The following TBC1D20 variants were observed in gnomAD, a reference collection of about 807,000 sequenced individuals.
The protein encoded by TBC1D20 is chromosome 20 open reading frame 140.
In TBC1D20, 12 loss-of-function variants were observed where a neutral mutation model predicts 41.6. The observed-to-expected ratio is 0.29, with a 90% CI of 0.18 to 0.47. The LOEUF is 0.47. TBC1D20 is among the 20% of genes least tolerant of loss of function. The pLI, the probability that TBC1D20 is intolerant of heterozygous loss-of-function variation, is 1.00. For missense variants in TBC1D20, 421 were observed against 517.4 expected (o/e 0.81, Z 1.81); for synonymous variants, 205 against 204.8 (o/e 1.00, Z -0.01).
intron 2 of TBC1D20, among the ~76,000 whole-genome samples, chr20:447,055 T>C (rs1227837193): frequency 6.7e-6 from 1 of 149,032 alleles, no homozygotes; most frequent in Non-Finnish European, 1.5e-5. Context: ...GTTCAAGCAA[T>C]TCTCTGCTGC....
Position 441,979 on chromosome 20 carries a change from C to A in TBC1D20, c.402G>T (p.Leu134Phe). ...EELIDIILLI[L>F]ERNPQLHYYQ... ...AGTAGTGCAGCTGAGGGTTGCGCTCCAAGATGAGGAGGATGATGTCAATCA... is the reference window on the plus strand; with the variant it reads ...AGTAGTGCAGCTGAGGGTTGCGCTCAAAGATGAGGAGGATGATGTCAATCA... The change falls in exon 4 of 8, where the codon TTG becomes TTT. Residue 134 changes from leucine (L) to phenylalanine (F), a missense_variant. By Grantham distance (22) the Leu-to-Phe change is conservative (BLOSUM62 0). This residue lies in a region of TBC1D20 where 110 missense variants were observed against 183.5 expected (regional missense o/e 0.60). Coordinates refer to ENST00000354200, the MANE Select transcript of TBC1D20 (RefSeq NM_144628.4). 1 of 1,614,032 alleles carries A rather than the reference C, an allele frequency of 6.2e-7. No homozygotes were observed.
chr20:439,507 A>C lies in TBC1D20; in HGVS notation c.769-212T>G, dbSNP rs1342141564. Among the ~76,000 whole-genome samples the C allele has an allele frequency of 6.6e-6, 1 of 152,190 alleles. No individual in the cohort carries two copies. The highest frequency in any genetic ancestry group is 2.4e-5 in the African/African-American group (1 of 41,448). On this transcript the variant is annotated intron_variant, in intron 6 of 7. Coordinates refer to ENST00000354200, the MANE Select transcript of TBC1D20 (RefSeq NM_144628.4). This position sits in a 1 kb window ranked among gnomAD's most constrained non-coding sequence, Gnocchi z 4.6. ...CTGGCCCTTCCTGCAAACTTCCACC[A>C]CATGACATGAAAGGCTGACCAGTTA... is the stretch of plus-strand genomic sequence containing the variant.
In TBC1D20 at chr20:444,581, A is replaced by T. The variant is rs6116006; in HGVS notation, c.337+469T>A. Among the ~76,000 whole-genome samples, 523 of 151,832 alleles carry T rather than the reference A, an allele frequency of 3.4e-3. 1 individual carries two copies. The highest frequency in any genetic ancestry group is 0.012 in the African/African-American group (490 of 41,388). On this transcript the variant is annotated intron_variant, in intron 3 of 7. Transcript: ENST00000354200. ...TTGTTTGTTTTGTTTTTATTTATTT[A>T]TTTTTTTATCTATTGCTGCTTAATT...
intron 3 of TBC1D20, among the ~76,000 whole-genome samples, chr20:442,926 C>T (rs749553165): frequency 2.0e-5 from 3 of 152,008 alleles, no homozygotes; most frequent in East Asian, 1.9e-4. Context: ...TGAAAAACCC[C>T]GTCTCTAATA....
chr20:436,113 C>G lies in TBC1D20; in HGVS notation c.*2473G>C, dbSNP rs2017113527. The G allele has an allele frequency of 1.3e-5, 2 of 152,250 alleles. No homozygotes were observed. The highest frequency in any genetic ancestry group is 1.3e-4 in the Admixed American group (2 of 15,272). The allele number at this position is 152,250 out of a possible 1,614,324, so 9.4% of individuals were successfully genotyped here. On this transcript the variant is annotated 3_prime_UTR_variant, in exon 8 of 8. Transcript: ENST00000354200. ...TGGGTCATAATTCTTGCAGATGAAA[C>G]AGAAACAGCAAGACTGTAGGTACTG...
At chr20:452,049 C>T (rs1288295531) in intron 1 of TBC1D20, among the ~76,000 whole-genome samples, 2 of 152,158 alleles carry the variant, frequency 1.3e-5, no homozygotes, top group Non-Finnish European at 2.9e-5. Context: ...TGGTTCACAC[C>T]TGTAATCCCA....
chr20:462,176 G>A (rs557332861), intron 1 of TBC1D20, among the ~76,000 whole-genome samples, 160 bp downstream of exon 1: 1 of 151,278 alleles, frequency 6.6e-6, no homozygotes, highest in Non-Finnish European at 1.5e-5. Flanking sequence ...CTCCTCATCA[G>A]ACGTGCCCTG....
Position 458,739 on chromosome 20 carries a change from TGG to T in TBC1D20, c.70+3595_70+3596del, listed in dbSNP as rs1266492811. ...TGATTTAGTTTAGTTATTGTTCCTC[TGG>T]AAAAAACTGGCTTGCAGTAAATGAC... On this transcript the variant is annotated intron_variant, in intron 1 of 7. Coordinates refer to ENST00000354200, the MANE Select transcript of TBC1D20 (RefSeq NM_144628.4). 5.3e-5 allele frequency among the ~76,000 whole-genome samples: 8 copies of T among 152,214 alleles called. No individual in the cohort carries two copies. The East Asian group carries it at 1.5e-3, about 29-fold the overall frequency.
chr20:446,621 G>A (rs1389244131), intron 2 of TBC1D20, among the ~76,000 whole-genome samples: 17 of 152,098 alleles, frequency 1.1e-4, no homozygotes, highest in Non-Finnish European at 2.4e-4. Flanking sequence ...GATTACAGGC[G>A]TGAGCCACTG....
At chr20:441,544 G>T in intron 5 of TBC1D20, 44 bp downstream of exon 5, 2 of 1,504,556 alleles carry the variant, frequency 1.3e-6, no homozygotes, top group South Asian at 1.1e-5. Flanking sequence ...GGGGGGGTGT[G>T]GGCGTGTGTA....
Position 437,647 on chromosome 20 carries a change from A to G in TBC1D20, c.*939T>C, listed in dbSNP as rs1240097171. ...AGGAAAACAGGAAGAAAAACCGGTCAGAAAGTGGCACTTTGGAAGTGGAAA... is the reference window on the plus strand; with the variant it reads ...AGGAAAACAGGAAGAAAAACCGGTCGGAAAGTGGCACTTTGGAAGTGGAAA... On this transcript the variant is annotated 3_prime_UTR_variant, in exon 8 of 8. Transcript: ENST00000354200. 6.5e-6 allele frequency: 1 copy of G among 153,334 alleles called. No homozygotes were observed. The highest frequency in any genetic ancestry group is 6.5e-5 in the Admixed American group (1 of 15,276). 9.5% of individuals were successfully genotyped at this position (153,334 alleles called of 1,614,324 possible). A position where few individuals can be genotyped will look rare whatever the true frequency, so the allele number is the denominator to read the frequency against.
intron 1 of TBC1D20, among the ~76,000 whole-genome samples, chr20:454,674 T>TATTA (rs1393532175): frequency 8.7e-5 from 12 of 137,864 alleles, no homozygotes; most frequent in African/African-American, 2.7e-4. Flanking sequence ...TTATTATTAT[T>TATTA]TTATTTTTAT....
In TBC1D20 at chr20:438,200, G is replaced by C. The variant is rs2017154789; in HGVS notation, c.*386C>G. 2 of 192,380 alleles carry C rather than the reference G, an allele frequency of 1.0e-5. No individual in the cohort carries two copies. 11.9% of individuals were successfully genotyped at this position (192,380 alleles called of 1,614,324 possible). On this transcript the variant is annotated 3_prime_UTR_variant, in exon 8 of 8. Coordinates refer to ENST00000354200, the MANE Select transcript of TBC1D20 (RefSeq NM_144628.4). ...ATGCAGGCAAGCAGGAGCAGTAAGAGGGCATCCCATGTTCCAGTTCACCTT... is the reference window on the plus strand; with the variant it reads ...ATGCAGGCAAGCAGGAGCAGTAAGACGGCATCCCATGTTCCAGTTCACCTT...
intron 1 of TBC1D20, among the ~76,000 whole-genome samples, chr20:456,386 G>C (rs925130498): frequency 4.6e-5 from 7 of 152,108 alleles, no homozygotes; most frequent in East Asian, 1.9e-4. Flanking sequence ...CATTTGTCCA[G>C]TCATTCATCA....
At chr20:461,131 G>A (rs1487593016) in intron 1 of TBC1D20, among the ~76,000 whole-genome samples, 1 of 152,162 alleles carries the variant, frequency 6.6e-6, no homozygotes, top group African/African-American at 2.4e-5. Context: ...AACGTGTTTG[G>A]CTCTGTTACG....
chr20:449,582 T>C (rs1327698313), intron 1 of TBC1D20, among the ~76,000 whole-genome samples: 1 of 151,916 alleles, frequency 6.6e-6, no homozygotes, highest in African/African-American at 2.4e-5. Context: ...GGCGACAAAG[T>C]GAGACTCCGT....
In TBC1D20 at chr20:438,286, A is replaced by G. The variant is rs2017156348; in HGVS notation, c.*300T>C. ...CAGCCCAGGCCCAGCAGGTTGCAAA[A>G]GCAGCTGCAAGCTTCAGAAACCCAC... On this transcript the variant is annotated 3_prime_UTR_variant, in exon 8 of 8. Transcript: ENST00000354200. 5.2e-6 allele frequency: 2 copies of G among 385,492 alleles called. No individual in the cohort carries two copies. The highest frequency in any genetic ancestry group is 7.2e-5 in the South Asian group (2 of 27,704). The allele number at this position is 385,492 out of a possible 1,614,324, so 23.9% of individuals were successfully genotyped here.
At chr20:454,087 A>C (rs8115998) in intron 1 of TBC1D20, among the ~76,000 whole-genome samples, 57,123 of 139,076 alleles carry the variant, frequency 0.41, 13,317 homozygotes, top group Middle Eastern at 0.48. Context: ...AAAAAAATAC[A>C]AAAAAATTAG....
In TBC1D20 at chr20:441,693, G is replaced by A. The variant is rs369671822; in HGVS notation, c.525-4C>T. 3 of 1,613,726 alleles carry A rather than the reference G, an allele frequency of 1.9e-6. No homozygotes were observed. The highest frequency in any genetic ancestry group is 2.5e-6 in the Non-Finnish European group (3 of 1,179,668). On this transcript the variant is annotated splice_region_variant and splice_polypyrimidine_tract_variant and intron_variant, in intron 4 of 7. Transcript: ENST00000354200. ...CATTGTTGGATCCATAAAATCCCTGGAGGGAGACAATTCAATAAGCCTGGT... is the reference window on the plus strand; with the variant it reads ...CATTGTTGGATCCATAAAATCCCTGAAGGGAGACAATTCAATAAGCCTGGT...
Sources: gnomAD v4.1 joint callset for allele counts (sites outside exome capture counted in the v4.1 genomes callset) on GRCh38, gnomAD v4.1.1 for gene constraint, gnomAD v4.1.1 regional missense constraint, Gnocchi (gnomAD v3.1) non-coding constraint, MANE v1.5 for transcripts, NCBI Gene and HGNC (gene_info 2026-07-23, HGNC 2026-07-21) for gene names.